Variants in CSNK1D observed in about 807,000 individuals in gnomAD.
CSNK1D encodes casein kinase I isoform delta.
CSNK1D carries 16 observed loss-of-function variants against 46.6 expected under a neutral mutation model. The observed-to-expected ratio is 0.34, with a 90% CI of 0.23 to 0.52. The LOEUF is 0.52. Among genes scored for constraint, CSNK1D ranks in the 20% least tolerant of loss-of-function variants. The pLI, the probability that CSNK1D is intolerant of heterozygous loss-of-function variation, is 0.95. For synonymous variants in CSNK1D, 276 were observed against 228.2 expected (o/e 1.21, Z -1.89); for missense variants, 398 against 578.4 (o/e 0.69, Z 3.20).
chr17:82,243,491 C>T lies in CSNK1D; in HGVS notation c.*1290G>A. 1 of 985,552 alleles carries T rather than the reference C, an allele frequency of 1.0e-6. No homozygotes were observed. Among genetic ancestry groups the T allele is most frequent in the Non-Finnish European group, 1.2e-6 (1 of 830,002 alleles). 61.1% of individuals were successfully genotyped at this position (985,552 alleles called of 1,614,324 possible). ...CTGGGGCAGCACCAGCTCACGGAGGCCACCTGCCTTCTGGTGGGACTCGGC... is the reference window on the plus strand; with the variant it reads ...CTGGGGCAGCACCAGCTCACGGAGGTCACCTGCCTTCTGGTGGGACTCGGC... On this transcript the variant is annotated 3_prime_UTR_variant, in exon 9 of 9. Coordinates refer to ENST00000314028, the MANE Select transcript of CSNK1D (RefSeq NM_001893.6).
intron 2 of CSNK1D, chr17:82,265,291 G>T: frequency 9.3e-6 from 3 of 323,426 alleles, no homozygotes; most frequent in South Asian, 7.9e-5. Context: ...CGATTCTCCT[G>T]CCTCAGCCTC....
chr17:82,256,530 C>A lies in CSNK1D; in HGVS notation c.188-953G>T, dbSNP rs1045910639. ...CCTGTCAAAAAAAAAAAAAAAAATCCATTTTAGAAAAAATGGGTGAAAGAC... is the reference window on the plus strand; with the variant it reads ...CCTGTCAAAAAAAAAAAAAAAAATCAATTTTAGAAAAAATGGGTGAAAGAC... On this transcript the variant is annotated intron_variant, in intron 2 of 8. Transcript: ENST00000314028. Among the ~76,000 whole-genome samples the A allele has an allele frequency of 7.9e-5, 12 of 151,882 alleles. No individual in the cohort carries two copies. In the Middle Eastern group the frequency reaches 0.01, roughly 131 times the overall value.
At chr17:82,268,344 C>T (rs1410232246) in intron 1 of CSNK1D, among the ~76,000 whole-genome samples, 1 of 152,260 alleles carries the variant, frequency 6.6e-6, no homozygotes, top group Non-Finnish European at 1.5e-5. Flanking sequence ...CCACACTCTA[C>T]CAGCCATGCT....
rs753810624 is a variant in CSNK1D at position 82,273,276 on chromosome 17, G to C, written c.76+30C>G. ...TGGCAGCCGCAGGGCCCGGGTCTTC[G>C]GGCGGCGGGCGGGGGCGGCGGGGCC... is the stretch of plus-strand genomic sequence containing the variant. On this transcript the variant is annotated intron_variant, in intron 1 of 8. Coordinates refer to ENST00000314028, the MANE Select transcript of CSNK1D (RefSeq NM_001893.6). The surrounding 1 kb of genome is among the most constrained non-coding windows in gnomAD (Gnocchi z 5.1). The C allele has an allele frequency of 1.9e-6, 3 of 1,592,442 alleles. No homozygotes were observed. Among genetic ancestry groups the C allele is most frequent in the Admixed American group, 1.7e-5 (1 of 58,904 alleles).
chr17:82,243,628 T>TG lies in CSNK1D; in HGVS notation c.*1152dup. 1 of 985,508 alleles carries TG rather than the reference T, an allele frequency of 1.0e-6. No homozygotes were observed. Among genetic ancestry groups the TG allele is most frequent in the Middle Eastern group, 5.2e-4 (1 of 1,914 alleles). 61.0% of individuals were successfully genotyped at this position (985,508 alleles called of 1,614,324 possible). A position where few individuals can be genotyped will look rare whatever the true frequency, so the allele number is the denominator to read the frequency against. ...TCTGGGTCCGGTTGGGAGAGTCACC[T>TG]GCTCCTTGGCACCTCAGGGTGGGTC... On this transcript the variant is annotated 3_prime_UTR_variant, in exon 9 of 9. Coordinates refer to ENST00000314028, the MANE Select transcript of CSNK1D (RefSeq NM_001893.6).
chr17:82,247,606 G>A (rs919774336), intron 8 of CSNK1D: 10 of 985,322 alleles, frequency 1.0e-5, no homozygotes, highest in East Asian at 1.1e-4. Context: ...ACGAGGGCAC[G>A]GGCAGACCCT....
intron 2 of CSNK1D, among the ~76,000 whole-genome samples, chr17:82,258,720 T>C (rs760827317): frequency 6.6e-5 from 10 of 152,218 alleles, no homozygotes; most frequent in Non-Finnish European, 1.5e-4. Context: ...TGTTCCAGAT[T>C]CACCTTCTTT....
Position 82,243,859 on chromosome 17 carries a change from C to G in CSNK1D, c.*922G>C, listed in dbSNP as rs2050785326. 1 of 985,514 alleles carries G rather than the reference C, an allele frequency of 1.0e-6. No homozygotes were observed. Among genetic ancestry groups the G allele is most frequent in the Admixed American group, 6.1e-5 (1 of 16,276 alleles). The allele number at this position is 985,514 out of a possible 1,614,324, so 61.0% of individuals were successfully genotyped here. ...CGGTTCACAGTCCTCTCCCAAGGGACCAGAAACGCATCTTCCACCTTGAAT... is the reference window on the plus strand; with the variant it reads ...CGGTTCACAGTCCTCTCCCAAGGGAGCAGAAACGCATCTTCCACCTTGAAT... On this transcript the variant is annotated 3_prime_UTR_variant, in exon 9 of 9. Transcript: ENST00000314028.
chr17:82,242,041 T>G (rs1765497282), downstream of CSNK1D, among the ~76,000 whole-genome samples: 9 of 33,502 alleles, frequency 2.7e-4, no homozygotes, highest in East Asian at 8.4e-4. Flanking sequence ...TGGCCTGGAG[T>G]GGAGAGTACT....
In CSNK1D at chr17:82,253,266, G is replaced by C. The variant is rs530165861; in HGVS notation, c.337-22C>G. On this transcript the variant is annotated intron_variant, in intron 3 of 8. Transcript: ENST00000314028. ...TGATCTGTGAGCAGAGCAAGGGCGC[G>C]AGATGGCACCCCAGGGCAGTCTCAG... is the stretch of plus-strand genomic sequence containing the variant. 4 of 1,593,068 alleles carry C rather than the reference G, an allele frequency of 2.5e-6. No individual in the cohort carries two copies. The East Asian group carries it at 8.9e-5, about 36-fold the overall frequency.
At position 82,251,122 on chromosome 17, in the gene CSNK1D, G is replaced by A. The variant is rs550723112; in HGVS notation, c.885+257C>T. 34 of 491,230 alleles carry A rather than the reference G, an allele frequency of 6.9e-5. No individual in the cohort carries two copies. In the East Asian group the frequency reaches 1.2e-3, roughly 18 times the overall value. The allele number at this position is 491,230 out of a possible 1,614,324, so 30.4% of individuals were successfully genotyped here. On this transcript the variant is annotated intron_variant, in intron 6 of 8. Transcript: ENST00000314028. The surrounding 1 kb of genome is among the most constrained non-coding windows in gnomAD (Gnocchi z 4.5). ...CTAGCTCCGCTTGGTGACAGGGAGG[G>A]AAGGGGCCTCCTGCTGTCCACACCC...
chr17:82,273,454 T>G lies in CSNK1D; in HGVS notation c.-73A>C. Reference sequence around the variant, plus strand: ...TCTGAACTCTGGGAGGCGGCGCCGCTGCTGCCGCTACTGCGGGTCCGGCTC... The same window carrying G: ...TCTGAACTCTGGGAGGCGGCGCCGCGGCTGCCGCTACTGCGGGTCCGGCTC... On this transcript the variant is annotated 5_prime_UTR_variant, in exon 1 of 9. Coordinates refer to ENST00000314028, the MANE Select transcript of CSNK1D (RefSeq NM_001893.6). This position sits in a 1 kb window ranked among gnomAD's most constrained non-coding sequence, Gnocchi z 5.1. The G allele has an allele frequency of 6.4e-7, 1 of 1,571,976 alleles. No homozygotes were observed. The highest frequency in any genetic ancestry group is 1.1e-5 in the South Asian group (1 of 88,054).
At chr17:82,265,882 G>A (rs1364130248) in intron 1 of CSNK1D, 86 bp from the exon 2 acceptor site, 1 of 1,136,826 alleles carries the variant, frequency 8.8e-7, no homozygotes, top group Non-Finnish European at 1.3e-6. Flanking sequence ...AGCACTATGT[G>A]TTTTCCATGA....
chr17:82,240,911 G>C (rs1051291128), downstream of CSNK1D, among the ~76,000 whole-genome samples: 1 of 152,182 alleles, frequency 6.6e-6, no homozygotes, highest in African/African-American at 2.4e-5. Context: ...CAGTGGGTCT[G>C]CTCTGACCCG....
At chr17:82,264,909 TGCCTCA>T (rs1407326706) in intron 2 of CSNK1D, among the ~76,000 whole-genome samples, 2 of 151,352 alleles carry the variant, frequency 1.3e-5, no homozygotes, top group Admixed American at 1.3e-4. Flanking sequence ...GCCATTCTCC[TGCCTCA>T]GCCTCCCAAG....
Position 82,244,010 on chromosome 17 carries a change from C to T in CSNK1D, c.*771G>A. 1.0e-6 allele frequency: 1 copy of T among 987,230 alleles called. No homozygotes were observed. Among genetic ancestry groups the T allele is most frequent in the Non-Finnish European group, 1.2e-6 (1 of 831,130 alleles). The allele number at this position is 987,230 out of a possible 1,614,324, so 61.2% of individuals were successfully genotyped here. A position where few individuals can be genotyped will look rare whatever the true frequency, so the allele number is the denominator to read the frequency against. On this transcript the variant is annotated 3_prime_UTR_variant, in exon 9 of 9. Coordinates refer to ENST00000314028, the MANE Select transcript of CSNK1D (RefSeq NM_001893.6). ...TGGTAACACCCACTGCACCCCTGCC[C>T]CGCGGCAGCCTGCGGTCCCTAACTG...
intron 8 of CSNK1D, chr17:82,247,777 T>C (rs555104095): frequency 1.0e-6 from 1 of 985,452 alleles, no homozygotes; most frequent in East Asian, 1.1e-4. Flanking sequence ...CCAATTCATA[T>C]AACCACAAAG....
At chr17:82,268,372 C>A (rs1292441912) in intron 1 of CSNK1D, among the ~76,000 whole-genome samples, 2 of 152,272 alleles carry the variant, frequency 1.3e-5, no homozygotes, top group African/African-American at 4.8e-5. Flanking sequence ...GTCAGATCCT[C>A]AAGCTGCCAT....
intron 3 of CSNK1D, chr17:82,254,767 G>C (rs9675319): frequency 0.44 from 59,661 of 134,466 alleles, 14,270 homozygotes; most frequent in African/African-American, 0.57. Flanking sequence ...AGCCAGTGCG[G>C]TGAGCCACCG....
Sources: gnomAD v4.1 joint callset for allele counts (sites outside exome capture counted in the v4.1 genomes callset) on GRCh38, gnomAD v4.1.1 for gene constraint, Gnocchi (gnomAD v3.1) non-coding constraint, MANE v1.5 for transcripts, NCBI Gene and HGNC (gene_info 2026-07-23, HGNC 2026-07-21) for gene names.